The following CD109 variants were observed in gnomAD, a reference collection of about 807,000 sequenced individuals.
CD109 encodes CD109 molecule.
CD109 carries 149 observed loss-of-function variants against 165.8 expected under a neutral mutation model. That is an observed-to-expected ratio of 0.90 (90% CI 0.79 to 1.03). CD109 has a LOEUF of 1.03. Among genes scored for constraint, CD109 ranks in the 50% least tolerant of loss-of-function variants. The probability of loss-of-function intolerance (pLI) is 0.00; values close to 1 mark genes in which losing one functional copy is unlikely to be tolerated. For missense variants in CD109, 1,712 were observed against 1,677.8 expected (o/e 1.02, Z -0.36); for synonymous variants, 585 against 592.1 (o/e 0.99, Z 0.18).
chr6:73,796,692 A>C (rs1208966456), intron 23 of CD109, among the ~76,000 whole-genome samples: 6 of 152,108 alleles, frequency 3.9e-5, no homozygotes, highest in Non-Finnish European at 8.8e-5. Context: ...TAGGTCCATC[A>C]TCCTAATGTG....
intron 5 of CD109, among the ~76,000 whole-genome samples, chr6:73,754,150 G>A (rs1773296276): frequency 6.6e-6 from 1 of 152,164 alleles, no homozygotes; most frequent in South Asian, 2.1e-4. Context: ...ATAAATCCAG[G>A]ACATTCTGTC....
At chr6:73,738,160 G>GGA (rs1349339955) in intron 5 of CD109, among the ~76,000 whole-genome samples, 1 of 152,230 alleles carries the variant, frequency 6.6e-6, no homozygotes, top group African/African-American at 2.4e-5. Flanking sequence ...GTTCAGTCCA[G>GGA]CTTGGTGATA....
intron 3 of CD109, among the ~76,000 whole-genome samples, chr6:73,726,133 C>T (rs1053014395): frequency 6.6e-6 from 1 of 152,162 alleles, no homozygotes; most frequent in Non-Finnish European, 1.5e-5. Flanking sequence ...TTTTAAAGTG[C>T]ACTTGCATTC....
At position 73,824,398 on chromosome 6, in the gene CD109, A is replaced by G. The variant is rs6907830; in HGVS notation, c.*765A>G. 0.074 allele frequency: 11,294 copies of G among 152,064 alleles called. 872 individuals carry two copies. Among genetic ancestry groups the G allele is most frequent in the East Asian group, 0.38 (1,969 of 5,142 alleles). The allele number at this position is 152,064 out of a possible 1,614,324, so 9.4% of individuals were successfully genotyped here. ...ACATCCTCAGCCCCACACCAGCTCT[A>G]TTTCAGGGGTGAGAGTCAGAGAGCA... On this transcript the variant is annotated 3_prime_UTR_variant, in exon 33 of 33. Transcript: ENST00000287097.
At chr6:73,775,826 C>G (rs117552515) in intron 15 of CD109, among the ~76,000 whole-genome samples, 16,547 of 152,088 alleles carry the variant, frequency 0.11, 1,525 homozygotes, top group African/African-American at 0.25. Flanking sequence ...CCAGCTCCAT[C>G]CATGTACCTG....
At chr6:73,743,763 G>A (rs1772876335) in intron 5 of CD109, among the ~76,000 whole-genome samples, 2 of 152,240 alleles carry the variant, frequency 1.3e-5, no homozygotes, top group African/African-American at 4.8e-5. Flanking sequence ...TGACAGGTCA[G>A]AAAACAGTGG....
chr6:73,799,205 C>T (rs981362518), intron 23 of CD109, among the ~76,000 whole-genome samples: 1 of 152,128 alleles, frequency 6.6e-6, no homozygotes, highest in Non-Finnish European at 1.5e-5. Flanking sequence ...TATGTGAAAA[C>T]TAAAACATGA....
intron 23 of CD109, among the ~76,000 whole-genome samples, chr6:73,802,305 ATTTT>A (rs71542232): frequency 2.9e-4 from 14 of 47,602 alleles, no homozygotes; most frequent in African/African-American, 9.4e-4. Flanking sequence ...ATATATATAT[ATTTT>A]TTTTTTTTTT....
intron 32 of CD109, among the ~76,000 whole-genome samples, chr6:73,821,618 G>A (rs1776109511): frequency 6.6e-6 from 1 of 152,158 alleles, no homozygotes; most frequent in African/African-American, 2.4e-5. Flanking sequence ...AATTAATGAA[G>A]AAACAGAAAA....
At chr6:73,779,558 A>AT (rs1774395128) in intron 15 of CD109, among the ~76,000 whole-genome samples, 1 of 151,954 alleles carries the variant, frequency 6.6e-6, no homozygotes, top group Admixed American at 6.6e-5. Flanking sequence ...TCAGAGCTTC[A>AT]TTTCTTTTTA....
intron 2 of CD109, among the ~76,000 whole-genome samples, chr6:73,707,033 C>A (rs1771296189): frequency 6.6e-6 from 1 of 152,248 alleles, no homozygotes; most frequent in Admixed American, 6.5e-5. Flanking sequence ...TTGGTGACCA[C>A]ATGAGGTTCC....
At chr6:73,800,641 AGTGT>A (rs1418006763) in intron 23 of CD109, among the ~76,000 whole-genome samples, 1 of 152,174 alleles carries the variant, frequency 6.6e-6, no homozygotes, top group Admixed American at 6.5e-5. Context: ...ATGGTATCTC[AGTGT>A]AGGTTTAATT....
intron 2 of CD109, among the ~76,000 whole-genome samples, chr6:73,712,440 G>A (rs1039718925): frequency 3.3e-5 from 5 of 152,104 alleles, no homozygotes; most frequent in East Asian, 1.9e-4. Context: ...CAAACACTAA[G>A]TCAGGCATAT....
intron 24 of CD109, among the ~76,000 whole-genome samples, chr6:73,805,529 G>A (rs1775530736): frequency 1.3e-5 from 2 of 152,304 alleles, no homozygotes; most frequent in African/African-American, 2.4e-5. Context: ...CTGCAAAGAG[G>A]TGTTCCTTCT....
rs1180693732 is a variant in CD109, at chr6:73,781,287, C to T, written c.1931C>T (p.Ala644Val). ...TGTGGACTCTGGGTATTGACAGATGCAAACCTCACGAAGGATTATATTGAT... is the reference window on the plus strand; with the variant it reads ...TGTGGACTCTGGGTATTGACAGATGTAAACCTCACGAAGGATTATATTGAT... ...QECGLWVLTDANLTKDYIDGV... is the reference protein window; with the variant it reads ...QECGLWVLTDVNLTKDYIDGV... Residue 644 changes from alanine (A) to valine (V), a missense_variant, in exon 17 of 33, where the codon GCA (alanine) becomes GTA (valine). Coordinates refer to ENST00000287097, the MANE Select transcript of CD109 (RefSeq NM_133493.5). The T allele has an allele frequency of 6.2e-7, 1 of 1,613,240 alleles. No individual in the cohort carries two copies.
At chr6:73,807,205 C>A (rs934488748) in intron 25 of CD109, 133 bp downstream of exon 25, 59 of 668,228 alleles carry the variant, frequency 8.8e-5, no homozygotes, top group Admixed American at 2.8e-5. Flanking sequence ...TTTGAGTACT[C>A]TTTTGCTTTG....
intron 3 of CD109, among the ~76,000 whole-genome samples, chr6:73,728,925 G>A (rs6935547): frequency 0.057 from 8,683 of 152,246 alleles, 301 homozygotes; most frequent in African/African-American, 0.094. Flanking sequence ...GTGAAGAATT[G>A]GGAACAATAT....
At chr6:73,791,114 G>T (rs1774913457) in intron 22 of CD109, among the ~76,000 whole-genome samples, 1 of 112,262 alleles carries the variant, frequency 8.9e-6, no homozygotes, top group East Asian at 2.8e-4. Context: ...ACTTTATTTG[G>T]AGGCATATAT....
chr6:73,787,360 A>G lies in CD109; in HGVS notation c.2464A>G (p.Ile822Val), dbSNP rs1774736301. The G allele has an allele frequency of 6.2e-7, 1 of 1,614,122 alleles. No individual in the cohort carries two copies. The highest frequency in any genetic ancestry group is 8.5e-7 in the Non-Finnish European group (1 of 1,179,986). The change falls in exon 21 of 33, where the codon ATC becomes GTC. Residue 822 changes from isoleucine (I) to valine (V), a missense_variant. Transcript: ENST00000287097. ...SEDGATVLFP[I>V]RPTHLGEIPI... ...GGATGGGGCAACTGTTCTTTTTCCC[A>G]TCAGGCCAACACATCTGGGAGAAAT...
Sources: gnomAD v4.1 joint callset for allele counts (sites outside exome capture counted in the v4.1 genomes callset) on GRCh38, gnomAD v4.1.1 for gene constraint, MANE v1.5 for transcripts, NCBI Gene and HGNC (gene_info 2026-07-23, HGNC 2026-07-21) for gene names.